Variants in ATXN1 observed in about 807,000 individuals in gnomAD.
ATXN1 encodes ataxin-1.
Under a neutral mutation model 56.4 loss-of-function variants are expected in ATXN1, and 8 were observed. That is an observed-to-expected ratio of 0.14 (90% CI 0.08 to 0.26). ATXN1 has a LOEUF of 0.26. Ranked by LOEUF, ATXN1 falls within the 10% of genes least tolerant of loss-of-function variation. The pLI is 1.00. For missense variants in ATXN1, 987 were observed against 1,106.5 expected, an observed-to-expected ratio of 0.89 and a Z score of 1.53; for synonymous variants, 514 against 494.6, an observed-to-expected ratio of 1.04 and a Z score of -0.52.
At chr6:16,377,069 A>T (rs1305426833) in intron 6 of ATXN1, among the ~76,000 whole-genome samples, 1 of 152,076 alleles carries the variant, frequency 6.6e-6, no homozygotes, top group Non-Finnish European at 1.5e-5. Flanking sequence ...TCTATAAGGG[A>T]CCCCAGAGAG....
At chr6:16,461,642 G>A (rs995540693) in intron 6 of ATXN1, among the ~76,000 whole-genome samples, 1 of 152,230 alleles carries the variant, frequency 6.6e-6, no homozygotes, top group African/African-American at 2.4e-5. Flanking sequence ...GACGGAGAAG[G>A]CTCAGGAAGT....
intron 7 of ATXN1, among the ~76,000 whole-genome samples, chr6:16,309,261 ATAAT>A (rs1243100519): frequency 2.6e-4 from 39 of 149,722 alleles, no homozygotes; most frequent in African/African-American, 5.1e-4. Flanking sequence ...AATAATAATA[ATAAT>A]TAATTAATTA....
chr6:16,406,832 AT>A (rs1249418338), intron 6 of ATXN1, among the ~76,000 whole-genome samples: 1 of 152,138 alleles, frequency 6.6e-6, no homozygotes, highest in Admixed American at 6.5e-5. Context: ...TTCGGGACAA[AT>A]ACAGAATGTG....
chr6:16,565,917 C>T (rs557046561), intron 4 of ATXN1, among the ~76,000 whole-genome samples: 1 of 152,220 alleles, frequency 6.6e-6, no homozygotes, highest in Admixed American at 6.5e-5. Flanking sequence ...TGTAAAATAG[C>T]CCACTGGGTC....
chr6:16,349,516 G>GAA (rs1214880382), intron 6 of ATXN1, among the ~76,000 whole-genome samples: 9 of 137,826 alleles, frequency 6.5e-5, no homozygotes, highest in African/African-American at 2.1e-4. Context: ...AAGAAAGAAA[G>GAA]AAAAAAAAAA....
chr6:16,452,894 A>G (rs1474530722), intron 6 of ATXN1, among the ~76,000 whole-genome samples: 3 of 152,268 alleles, frequency 2.0e-5, no homozygotes, highest in Non-Finnish European at 4.4e-5. Context: ...GATTCTGATG[A>G]AAGTTTAGCG....
intron 3 of ATXN1, among the ~76,000 whole-genome samples, chr6:16,592,690 C>T (rs182887023): frequency 6.6e-6 from 1 of 152,160 alleles, no homozygotes; most frequent in African/African-American, 2.4e-5. Context: ...CTGGTGGGTT[C>T]GTGGTCTCGC....
intron 4 of ATXN1, among the ~76,000 whole-genome samples, chr6:16,574,573 G>A (rs945985907): frequency 4.6e-5 from 7 of 152,174 alleles, no homozygotes; most frequent in African/African-American, 9.7e-5. Flanking sequence ...TCGATCTCCT[G>A]ACCTCAAGTG....
At chr6:16,632,588 G>T (rs1267377501) in intron 3 of ATXN1, among the ~76,000 whole-genome samples, 6 of 152,118 alleles carry the variant, frequency 3.9e-5, no homozygotes, top group African/African-American at 1.2e-4. Flanking sequence ...GGGGTTGGGG[G>T]CTGTAAGGGT....
intron 3 of ATXN1, among the ~76,000 whole-genome samples, chr6:16,632,548 G>A (rs1233525756): frequency 6.6e-6 from 1 of 152,140 alleles, no homozygotes; most frequent in Non-Finnish European, 1.5e-5. Flanking sequence ...CAGCACAGCA[G>A]GGCCAGATCA....
chr6:16,703,265 G>C (rs1172327510), intron 2 of ATXN1, among the ~76,000 whole-genome samples: 1 of 152,062 alleles, frequency 6.6e-6, no homozygotes, highest in Non-Finnish European at 1.5e-5. Flanking sequence ...CTCACTCATA[G>C]GTGGGAATTG....
intron 6 of ATXN1, among the ~76,000 whole-genome samples, chr6:16,451,238 T>C (rs1477392073): frequency 6.6e-6 from 1 of 152,140 alleles, no homozygotes. Flanking sequence ...GATGCCCAGG[T>C]GGGTGGATCA....
At chr6:16,453,342 T>C (rs1471130137) in intron 6 of ATXN1, among the ~76,000 whole-genome samples, 1 of 152,052 alleles carries the variant, frequency 6.6e-6, no homozygotes, top group African/African-American at 2.4e-5. Flanking sequence ...GTGCCTGTAG[T>C]CCCAGCTACT....
At chr6:16,320,024 A>G (rs1760610499) in intron 7 of ATXN1, among the ~76,000 whole-genome samples, 1 of 152,116 alleles carries the variant, frequency 6.6e-6, no homozygotes, top group Admixed American at 6.6e-5. Context: ...GTCACCAACT[A>G]TCTATTTTTT....
chr6:16,435,177 A>T (rs188285459), intron 6 of ATXN1, among the ~76,000 whole-genome samples: 2 of 152,296 alleles, frequency 1.3e-5, no homozygotes, highest in Admixed American at 6.5e-5. Flanking sequence ...GGTGATTGTT[A>T]TAACTTTGAC....
At chr6:16,659,176 A>G (rs1438265074) in intron 2 of ATXN1, among the ~76,000 whole-genome samples, 1 of 152,230 alleles carries the variant, frequency 6.6e-6, no homozygotes, top group East Asian at 1.9e-4. Context: ...ATCTAGCCGG[A>G]GGAACAACTG....
chr6:16,640,944 A>G (rs1763696745), intron 3 of ATXN1, among the ~76,000 whole-genome samples: 1 of 152,210 alleles, frequency 6.6e-6, no homozygotes, highest in Non-Finnish European at 1.5e-5. Context: ...ACTCCAGTGA[A>G]CTCATCAATG....
At chr6:16,759,528 C>CCGTT (rs1561842989) in intron 1 of ATXN1, among the ~76,000 whole-genome samples, 56 of 64,508 alleles carry the variant, frequency 8.7e-4, no homozygotes, top group East Asian at 7.9e-3. Flanking sequence ...CTTCTTCCGA[C>CCGTT]TGTTTTTTTT....
Position 16,399,708 on chromosome 6 carries a change from C to G in ATXN1, c.-160-71238G>C, listed in dbSNP as rs186731168. ...TTTTGATTGTCACAACTGCCGGGTG[C>G]TACCAGCATCCAGCGCATAGAGGCC... On this transcript the variant is annotated intron_variant, in intron 6 of 7. Transcript: ENST00000436367. 3.3e-5 allele frequency among the ~76,000 whole-genome samples: 5 copies of G among 152,266 alleles called. No individual in the cohort carries two copies. In the East Asian group the frequency reaches 9.7e-4, roughly 29 times the overall value.
Sources: allele counts gnomAD v4.1 joint callset (sites outside exome capture counted in the v4.1 genomes callset), GRCh38; gene constraint gnomAD v4.1.1; transcripts MANE v1.5; gene names NCBI Gene and HGNC (gene_info 2026-07-23, HGNC 2026-07-21).